Variants in RBMS3 observed in about 807,000 individuals in gnomAD.
The protein encoded by RBMS3 is RNA binding motif single stranded interacting protein 3, also known as RNA-binding motif, single-stranded-interacting protein 3.
A neutral mutation model predicts 66.8 loss-of-function variants in RBMS3; 27 were observed. That is an observed-to-expected ratio of 0.40 (90% CI 0.30 to 0.56). The LOEUF is 0.56. Ranked by LOEUF, RBMS3 falls within the 20% of genes least tolerant of loss-of-function variation. RBMS3 has a pLI of 0.40. For missense variants in RBMS3, 513 were observed against 549.5 expected (o/e 0.93, Z 0.66); for synonymous variants, 188 against 183.0 (o/e 1.03, Z -0.22).
At chr3:29,617,690 G>A (rs919795971) in intron 4 of RBMS3, among the ~76,000 whole-genome samples, 4 of 152,164 alleles carry the variant, frequency 2.6e-5, no homozygotes, top group Non-Finnish European at 4.4e-5. Context: ...TTTGGGTTTT[G>A]TGTTGTTCAT....
chr3:29,402,418 G>T (rs2039850366), intron 1 of RBMS3, among the ~76,000 whole-genome samples: 1 of 151,976 alleles, frequency 6.6e-6, no homozygotes, highest in Non-Finnish European at 1.5e-5. Flanking sequence ...TGCAGATTTT[G>T]TGTGCAATAA....
intron 4 of RBMS3, among the ~76,000 whole-genome samples, chr3:29,600,671 A>C (rs2048112483): frequency 6.6e-6 from 1 of 152,150 alleles, no homozygotes; most frequent in Non-Finnish European, 1.5e-5. Context: ...GTAGCCAAAA[A>C]TAATCCTGCT....
chr3:29,938,589 T>G (rs765831977), intron 11 of RBMS3, among the ~76,000 whole-genome samples: 7 of 152,052 alleles, frequency 4.6e-5, no homozygotes, highest in Non-Finnish European at 1.0e-4. Context: ...TTTCTTAGAC[T>G]GTCACTCTAA....
chr3:29,795,227 G>GA (rs1012673669), intron 6 of RBMS3, among the ~76,000 whole-genome samples: 5 of 152,298 alleles, frequency 3.3e-5, no homozygotes, highest in African/African-American at 1.2e-4. Flanking sequence ...GATTTCCTGG[G>GA]AAAGGACAGA....
intron 4 of RBMS3, among the ~76,000 whole-genome samples, chr3:29,685,024 A>G (rs1317411724): frequency 6.6e-6 from 1 of 150,412 alleles, no homozygotes; most frequent in Non-Finnish European, 1.5e-5. Context: ...GGGGTAAAAC[A>G]GTTTCCGGTA....
intron 3 of RBMS3, among the ~76,000 whole-genome samples, chr3:29,541,793 C>G (rs1251760631): frequency 6.6e-6 from 1 of 152,112 alleles, no homozygotes; most frequent in Non-Finnish European, 1.5e-5. Flanking sequence ...GCCCCTTGAC[C>G]TCATCACTTT....
At chr3:30,000,782 A>G (rs985326312) in intron 14 of RBMS3, among the ~76,000 whole-genome samples, 1 of 152,138 alleles carries the variant, frequency 6.6e-6, no homozygotes, top group Non-Finnish European at 1.5e-5. Context: ...GCAAACTAAC[A>G]CAAGAACAGA....
At chr3:29,615,727 T>A (rs1283415134) in intron 4 of RBMS3, among the ~76,000 whole-genome samples, 1 of 152,158 alleles carries the variant, frequency 6.6e-6, no homozygotes, top group Non-Finnish European at 1.5e-5. Context: ...AATATAGAGT[T>A]CCATAATTTT....
chr3:29,773,033 A>G (rs1410839407), intron 6 of RBMS3, among the ~76,000 whole-genome samples: 1 of 152,064 alleles, frequency 6.6e-6, no homozygotes, highest in Non-Finnish European at 1.5e-5. Context: ...ATCTAAATTC[A>G]TGTAAATGTG....
intron 6 of RBMS3, among the ~76,000 whole-genome samples, chr3:29,806,066 A>C (rs2057537482): frequency 6.6e-6 from 1 of 152,038 alleles, no homozygotes; most frequent in African/African-American, 2.4e-5. Context: ...ATATTTGAGA[A>C]GAATGAAAAG....
chr3:29,308,756 CAAA>C (rs6147747), intron 1 of RBMS3, among the ~76,000 whole-genome samples: 1 of 125,120 alleles, frequency 8.0e-6, no homozygotes, highest in Non-Finnish European at 1.6e-5. Context: ...CAAAAAAAAA[CAAA>C]AAAAAAAACG....
intron 11 of RBMS3, among the ~76,000 whole-genome samples, chr3:29,940,067 C>T (rs2061354251): frequency 6.6e-6 from 1 of 151,848 alleles, no homozygotes; most frequent in African/African-American, 2.4e-5. Context: ...CTTTCCTTCT[C>T]CCTCACCACC....
chr3:29,552,677 T>TA (rs1027643349), intron 3 of RBMS3, among the ~76,000 whole-genome samples: 20 of 151,998 alleles, frequency 1.3e-4, no homozygotes, highest in East Asian at 3.9e-4. Context: ...AAAAGAAAAT[T>TA]AAAAAAAATA....
At chr3:29,964,773 G>A (rs1045432706) in intron 12 of RBMS3, among the ~76,000 whole-genome samples, 2 of 152,086 alleles carry the variant, frequency 1.3e-5, no homozygotes, top group African/African-American at 4.8e-5. Context: ...TTGGTTACAT[G>A]AGTAAGTTCT....
At chr3:29,891,128 T>G (rs2059992479) in intron 8 of RBMS3, among the ~76,000 whole-genome samples, 1 of 151,610 alleles carries the variant, frequency 6.6e-6, no homozygotes, top group African/African-American at 2.4e-5. Flanking sequence ...TAGGTTAAAT[T>G]GTGTAAAGAG....
intron 3 of RBMS3, among the ~76,000 whole-genome samples, chr3:29,505,618 A>T (rs1315462133): frequency 6.6e-6 from 1 of 151,638 alleles, no homozygotes; most frequent in Non-Finnish European, 1.5e-5. Flanking sequence ...TCTGTGAAAA[A>T]TGTTATTGGA....
intron 1 of RBMS3, among the ~76,000 whole-genome samples, chr3:29,315,558 T>G (rs983691453): frequency 2.0e-5 from 3 of 151,744 alleles, no homozygotes; most frequent in Non-Finnish European, 4.4e-5. Flanking sequence ...GTAACTTACT[T>G]TTTTATCATA....
intron 1 of RBMS3, among the ~76,000 whole-genome samples, chr3:29,390,073 C>T (rs1022002120): frequency 2.6e-5 from 4 of 152,134 alleles, no homozygotes; most frequent in Admixed American, 6.5e-5. Context: ...ACCCCTCCTA[C>T]AAAACCCCTT....
intron 1 of RBMS3, among the ~76,000 whole-genome samples, chr3:29,326,918 G>T (rs113862008): frequency 0.11 from 15,981 of 152,000 alleles, 882 homozygotes; most frequent in Middle Eastern, 0.15. Context: ...TTTTAGCAGA[G>T]ACGGGGTTTC....
Sources: gnomAD v4.1 joint callset for allele counts (sites outside exome capture counted in the v4.1 genomes callset) on GRCh38, gnomAD v4.1.1 for gene constraint, MANE v1.5 for transcripts, NCBI Gene and HGNC (gene_info 2026-07-23, HGNC 2026-07-21) for gene names.